Variants in ANO3 observed in about 807,000 individuals in gnomAD.
ANO3 encodes anoctamin-3.
ANO3 carries 99 observed loss-of-function variants against 144.8 expected under a neutral mutation model. That is an observed-to-expected ratio of 0.68 (90% CI 0.58 to 0.81). The LOEUF is 0.81. Among genes scored for constraint, ANO3 ranks in the 30% least tolerant of loss-of-function variants. ANO3 has a pLI of 0.00. For synonymous variants in ANO3, 414 were observed against 392.6 expected (o/e 1.05, Z -0.64); for missense variants, 905 against 1,202.2 (o/e 0.75, Z 3.66).
intron 1 of ANO3, among the ~76,000 whole-genome samples, chr11:26,347,429 ACTAT>A (rs1239881832): frequency 6.6e-6 from 1 of 152,244 alleles, no homozygotes; most frequent in African/African-American, 2.4e-5. Context: ...AGGGAAGGTG[ACTAT>A]CTGTGTTCCA....
chr11:26,522,150 C>T (rs1489235412), intron 6 of ANO3, among the ~76,000 whole-genome samples: 1 of 152,066 alleles, frequency 6.6e-6, no homozygotes, highest in Non-Finnish European at 1.5e-5. Context: ...CGCCACTGCA[C>T]TCCAGCCTGG....
intron 5 of ANO3, among the ~76,000 whole-genome samples, chr11:26,514,086 T>G (rs928997445): frequency 4.5e-4 from 50 of 111,766 alleles, no homozygotes; most frequent in African/African-American, 1.3e-3. Context: ...ACAGAAAGAG[T>G]TTTTTTTTTT....
chr11:26,652,966 T>G (rs7934757), intron 24 of ANO3, among the ~76,000 whole-genome samples: 91,008 of 152,010 alleles, frequency 0.6, 27,940 homozygotes, highest in East Asian at 0.69. Context: ...ACATAATTTC[T>G]GTTTTCCTGC....
intron 1 of ANO3, among the ~76,000 whole-genome samples, chr11:26,301,476 T>C (rs1324785673): frequency 6.6e-6 from 1 of 152,240 alleles, no homozygotes; most frequent in Non-Finnish European, 1.5e-5. Flanking sequence ...GGCCACTCAC[T>C]GAACACCTTT....
At chr11:26,433,412 C>G (rs779244486) in intron 1 of ANO3, among the ~76,000 whole-genome samples, 26 of 152,066 alleles carry the variant, frequency 1.7e-4, no homozygotes, top group Admixed American at 5.9e-4. Context: ...TTGTTTTGGC[C>G]AGGACTTCCA....
At chr11:26,592,142 G>A (rs762881792) in intron 14 of ANO3, among the ~76,000 whole-genome samples, 3 of 152,126 alleles carry the variant, frequency 2.0e-5, no homozygotes, top group Non-Finnish European at 4.4e-5. Flanking sequence ...AAGGTCATTG[G>A]TTAGGAAGGG....
intron 1 of ANO3, among the ~76,000 whole-genome samples, chr11:26,322,096 T>A (rs1382839470): frequency 1.3e-5 from 2 of 152,104 alleles, no homozygotes; most frequent in African/African-American, 4.8e-5. Context: ...GTTCTAACTA[T>A]GAATCTTTCC....
chr11:26,301,881 T>C (rs962774728), intron 1 of ANO3, among the ~76,000 whole-genome samples: 2 of 152,224 alleles, frequency 1.3e-5, no homozygotes, highest in African/African-American at 4.8e-5. Flanking sequence ...GATAGACCTT[T>C]ACATTATCAA....
chr11:26,639,801 A>C (rs1853087967), intron 21 of ANO3, among the ~76,000 whole-genome samples: 1 of 152,194 alleles, frequency 6.6e-6, no homozygotes. Context: ...TGAAATGCTT[A>C]CAGAGGTGTT....
intron 1 of ANO3, among the ~76,000 whole-genome samples, chr11:26,336,063 A>G (rs1855185344): frequency 6.6e-6 from 1 of 152,170 alleles, no homozygotes; most frequent in African/African-American, 2.4e-5. Flanking sequence ...GACAACTGGG[A>G]GCATATGTTT....
chr11:26,511,731 T>C (rs899061508), intron 5 of ANO3, among the ~76,000 whole-genome samples: 1 of 151,972 alleles, frequency 6.6e-6, no homozygotes, highest in Non-Finnish European at 1.5e-5. Flanking sequence ...ATTTGAAAAA[T>C]GAATAGTAGC....
In ANO3 at chr11:26,531,322, T is replaced by C. The variant is rs559110174; in HGVS notation, c.855T>C (p.Arg285=). ...ESDCYTGPFS[R]ARIHHFIINN... Reference sequence around the variant, plus strand: ...ACTGCTATACTGGCCCCTTCAGCCGTGCACGGATTCACCAGTGAGTTCCCC... The same window carrying C: ...ACTGCTATACTGGCCCCTTCAGCCGCGCACGGATTCACCAGTGAGTTCCCC... The change falls in exon 8 of 27, where the codon CGT becomes CGC. Residue 285 remains arginine (R), a synonymous_variant. Coordinates refer to ENST00000256737, the MANE Select transcript of ANO3 (RefSeq NM_031418.4). The C allele has an allele frequency of 1.2e-6, 2 of 1,609,324 alleles. No homozygotes were observed. The highest frequency in any genetic ancestry group is 2.2e-5 in the South Asian group (2 of 90,348).
chr11:26,201,712 G>A (rs1452345381), intron 1 of ANO3, among the ~76,000 whole-genome samples: 1 of 151,074 alleles, frequency 6.6e-6, no homozygotes, highest in Non-Finnish European at 1.5e-5. Context: ...TGATAGTGGA[G>A]TAGTAATATG....
At chr11:26,478,635 T>C (rs556314731) in intron 4 of ANO3, among the ~76,000 whole-genome samples, 126 of 152,262 alleles carry the variant, frequency 8.3e-4, no homozygotes, top group African/African-American at 2.9e-3. Flanking sequence ...TTTAGTAGTA[T>C]TACAGCAAAA....
intron 12 of ANO3, among the ~76,000 whole-genome samples, 168 bp from the exon 13 acceptor site, chr11:26,553,081 G>C (rs1008713038): frequency 8.1e-5 from 12 of 148,896 alleles, no homozygotes; most frequent in Non-Finnish European, 1.5e-5. Context: ...TAAAGTGTTT[G>C]AATTGGAGTC....
intron 1 of ANO3, among the ~76,000 whole-genome samples, chr11:26,279,878 C>T (rs542838954): frequency 6.6e-6 from 1 of 152,114 alleles, no homozygotes; most frequent in Non-Finnish European, 1.5e-5. Context: ...TCAAAATACC[C>T]AATACTTGCT....
At chr11:26,194,138 T>A (rs1409710241) in intron 1 of ANO3, among the ~76,000 whole-genome samples, 2 of 151,946 alleles carry the variant, frequency 1.3e-5, no homozygotes, top group African/African-American at 2.4e-5. Context: ...GGAGGTGAGG[T>A]CACTTATTAT....
At chr11:26,392,736 AAGAG>A (rs1044602835) in intron 1 of ANO3, among the ~76,000 whole-genome samples, 3 of 152,048 alleles carry the variant, frequency 2.0e-5, no homozygotes, top group African/African-American at 4.8e-5. Flanking sequence ...GAGAGAATGA[AAGAG>A]AGAGAATAAC....
At chr11:26,444,749 C>T (rs1385439173) in intron 3 of ANO3, among the ~76,000 whole-genome samples, 2 of 152,124 alleles carry the variant, frequency 1.3e-5, no homozygotes, top group African/African-American at 2.4e-5. Context: ...TTAAATCACT[C>T]GTCATAACTT....
Sources: allele counts gnomAD v4.1 joint callset (sites outside exome capture counted in the v4.1 genomes callset), GRCh38; gene constraint gnomAD v4.1.1; transcripts MANE v1.5; gene names NCBI Gene and HGNC (gene_info 2026-07-23, HGNC 2026-07-21).